The following PSME3IP1 variants were observed in gnomAD, a reference collection of about 807,000 sequenced individuals.
PSME3IP1 encodes PSME3-interacting protein.
A neutral mutation model predicts 34.1 loss-of-function variants in PSME3IP1; 13 were observed. The observed-to-expected ratio is 0.38, with a 90% CI of 0.25 to 0.61. The LOEUF is 0.61. PSME3IP1 is among the 20% of genes least tolerant of loss of function. The probability of loss-of-function intolerance (pLI) is 0.60; values close to 1 mark genes in which losing one functional copy is unlikely to be tolerated. For synonymous variants in PSME3IP1, 93 were observed against 114.3 expected, an observed-to-expected ratio of 0.81 and a Z score of 1.19; for missense variants, 237 against 301.4, an observed-to-expected ratio of 0.79 and a Z score of 1.58.
chr16:57,179,933 T>C (rs1307971206), intron 1 of PSME3IP1, among the ~76,000 whole-genome samples: 6 of 152,244 alleles, frequency 3.9e-5, no homozygotes, highest in African/African-American at 1.2e-4. Flanking sequence ...TAAAGACTTA[T>C]TTCTGGCCAG....
chr16:57,162,825 A>G (rs1249612018), intron 6 of PSME3IP1, among the ~76,000 whole-genome samples: 1 of 152,140 alleles, frequency 6.6e-6, no homozygotes, highest in Non-Finnish European at 1.5e-5. Context: ...TAAAAGATAC[A>G]TATTTACAAT....
At chr16:57,167,785 G>A (rs1261186109) in intron 4 of PSME3IP1, among the ~76,000 whole-genome samples, 1 of 152,104 alleles carries the variant, frequency 6.6e-6, no homozygotes, top group Non-Finnish European at 1.5e-5. Context: ...CTAGAGGCCC[G>A]GGAGTTTGTT....
intron 1 of PSME3IP1, among the ~76,000 whole-genome samples, chr16:57,175,102 C>T (rs562748388): frequency 1.3e-5 from 2 of 151,766 alleles, no homozygotes; most frequent in Non-Finnish European, 2.9e-5. Flanking sequence ...GCAACCTCCG[C>T]CTCCCAGGTT....
At chr16:57,155,984 C>A (rs2070477028) in intron 6 of PSME3IP1, among the ~76,000 whole-genome samples, 1 of 151,688 alleles carries the variant, frequency 6.6e-6, no homozygotes, top group South Asian at 2.1e-4. Context: ...AACAAACACA[C>A]AAACAAACAA....
chr16:57,176,895 C>T (rs1372909347), intron 1 of PSME3IP1, among the ~76,000 whole-genome samples: 1 of 152,048 alleles, frequency 6.6e-6, no homozygotes, highest in Non-Finnish European at 1.5e-5. Context: ...CGCTCTGCCG[C>T]CCAGGCCGGA....
At chr16:57,182,237 TCA>T (rs1307942519) in intron 1 of PSME3IP1, among the ~76,000 whole-genome samples, 6 of 152,086 alleles carry the variant, frequency 3.9e-5, no homozygotes, top group Non-Finnish European at 1.5e-5. Flanking sequence ...TTTTACAATA[TCA>T]CACTGGCCAT....
In PSME3IP1 at chr16:57,154,764, A is replaced by G. The variant is rs1159148564; in HGVS notation, c.548-257T>C. ...TGAATCAAGGTCTTTTTAACCCCAG[A>G]GCCTGACTACACTCTCTTGTTCCCC... On this transcript the variant is annotated intron_variant, in intron 6 of 6. Coordinates refer to ENST00000309137, the MANE Select transcript of PSME3IP1 (RefSeq NM_024946.4). The surrounding 1 kb of genome is among the most constrained non-coding windows in gnomAD (Gnocchi z 4.0). Among the ~76,000 whole-genome samples, 1 of 152,186 alleles carries G rather than the reference A, an allele frequency of 6.6e-6. No individual in the cohort carries two copies. Among genetic ancestry groups the G allele is most frequent in the Non-Finnish European group, 1.5e-5 (1 of 68,024 alleles).
Position 57,161,457 on chromosome 16 carries a change from A to T in PSME3IP1, c.547+2544T>A, listed in dbSNP as rs34045578. On this transcript the variant is annotated intron_variant, in intron 6 of 6. Transcript: ENST00000309137. ...GTGAATTATACCTCAATACTTTTTT[A>T]AAAAAAAGCCATAGTAGCCAAATAT... Among the ~76,000 whole-genome samples, 984 of 147,944 alleles carry T rather than the reference A, an allele frequency of 6.7e-3. 11 individuals carry two copies. Among genetic ancestry groups the T allele is most frequent in the African/African-American group, 0.023 (870 of 37,636 alleles).
At chr16:57,184,221 T>C (rs57205583) in intron 1 of PSME3IP1, among the ~76,000 whole-genome samples, 2,725 of 147,638 alleles carry the variant, frequency 0.018, 91 homozygotes, top group African/African-American at 0.065. Flanking sequence ...GAGAAAAGAG[T>C]GAAAAGGTTT....
chr16:57,175,454 A>T (rs2073091207), intron 1 of PSME3IP1: 1 of 152,232 alleles, frequency 6.6e-6, no homozygotes, highest in Non-Finnish European at 1.5e-5. Context: ...TCCAATGTCC[A>T]TTCCAAGATA....
At chr16:57,169,578 A>G (rs2072316486) in intron 4 of PSME3IP1, among the ~76,000 whole-genome samples, 1 of 152,118 alleles carries the variant, frequency 6.6e-6, no homozygotes, top group African/African-American at 2.4e-5. Context: ...GCCTCATTGT[A>G]CTGCAATGTT....
At chr16:57,174,272 C>T (rs1278905949) in intron 1 of PSME3IP1, 4 of 252,754 alleles carry the variant, frequency 1.6e-5, no homozygotes, top group East Asian at 1.8e-4. Flanking sequence ...CCAGCTTGAG[C>T]GACAGGGCAA....
chr16:57,168,064 CTCTCCCTCCACT>C (rs1433125849), intron 4 of PSME3IP1, among the ~76,000 whole-genome samples: 3 of 152,202 alleles, frequency 2.0e-5, no homozygotes, highest in Non-Finnish European at 1.5e-5. Context: ...GCCCTCCCTC[CTCTCCCTCCACT>C]TCTCCCTCCG....
At chr16:57,185,434 G>T in intron 1 of PSME3IP1, 2 of 859,304 alleles carry the variant, frequency 2.3e-6, no homozygotes, top group Non-Finnish European at 2.8e-6. Context: ...CTGCCATTCT[G>T]GGATTCAACC....
rs1306538846 is a variant in PSME3IP1, at chr16:57,162,982, T to C, written c.547+1019A>G. Among the ~76,000 whole-genome samples the C allele has an allele frequency of 4.6e-5, 7 of 152,070 alleles. No homozygotes were observed. The East Asian group carries it at 1.4e-3, about 29-fold the overall frequency. Reference sequence around the variant, plus strand: ...GAGTGCAAGACCAGCCTGGCCAACATGGTGAAATCCTGTCTCTACTAAAAA... The same window carrying C: ...GAGTGCAAGACCAGCCTGGCCAACACGGTGAAATCCTGTCTCTACTAAAAA... On this transcript the variant is annotated intron_variant, in intron 6 of 6. Coordinates refer to ENST00000309137, the MANE Select transcript of PSME3IP1 (RefSeq NM_024946.4).
At chr16:57,165,082 C>T (rs1195135880) in intron 5 of PSME3IP1, among the ~76,000 whole-genome samples, 3 of 149,266 alleles carry the variant, frequency 2.0e-5, no homozygotes, top group Admixed American at 2.0e-4. Flanking sequence ...TCAGAGTATA[C>T]AAAACCACAT....
chr16:57,172,177 TGAG>T, intron 4 of PSME3IP1, 71 bp downstream of exon 4: 2 of 1,524,166 alleles, frequency 1.3e-6, no homozygotes, highest in South Asian at 1.2e-5. Flanking sequence ...TTTCTGTTGA[TGAG>T]GAGACAACAT....
chr16:57,180,298 T>C (rs1344383624), intron 1 of PSME3IP1, among the ~76,000 whole-genome samples: 6 of 152,174 alleles, frequency 3.9e-5, no homozygotes, highest in African/African-American at 1.4e-4. Flanking sequence ...ACACATACAA[T>C]AAGAAATTCA....
At chr16:57,177,836 A>T (rs1274543064) in intron 1 of PSME3IP1, among the ~76,000 whole-genome samples, 1 of 152,072 alleles carries the variant, frequency 6.6e-6, no homozygotes, top group African/African-American at 2.4e-5. Context: ...CAAAAAATTT[A>T]AAAAACTAGC....
Sources: allele counts gnomAD v4.1 joint callset (sites outside exome capture counted in the v4.1 genomes callset), GRCh38; gene constraint gnomAD v4.1.1; non-coding constraint Gnocchi (gnomAD v3.1); transcripts MANE v1.5; gene names NCBI Gene and HGNC (gene_info 2026-07-23, HGNC 2026-07-21).